The following ROBO4 variants were observed in gnomAD, a reference collection of about 807,000 sequenced individuals.
ROBO4 encodes the protein roundabout homolog 4.
A neutral mutation model predicts 103.3 loss-of-function variants in ROBO4; 80 were observed. The ratio of observed to expected loss-of-function variants is 0.77; its 90% CI spans 0.65 to 0.93. The LOEUF (loss-of-function observed/expected upper bound fraction) is 0.93, where lower values mean the gene tolerates loss of function less well. ROBO4 is among the 40% of genes least tolerant of loss of function. The probability of loss-of-function intolerance (pLI) is 0.00; values close to 1 mark genes in which losing one functional copy is unlikely to be tolerated. For missense variants in ROBO4, 1,333 were observed against 1,305.3 expected, an observed-to-expected ratio of 1.02 and a Z score of -0.33; for synonymous variants, 504 against 529.7, an observed-to-expected ratio of 0.95 and a Z score of 0.67.
chr11:124,887,473 A>G lies in ROBO4; in HGVS notation c.2083T>C (p.Trp695Arg). 9 of 1,613,886 alleles carry G rather than the reference A, an allele frequency of 5.6e-6. No individual in the cohort carries two copies. The South Asian group carries it at 9.9e-5, about 18-fold the overall frequency. Residue 695 changes from tryptophan (W) to arginine (R), a missense_variant, in exon 14 of 18, where the codon TGG (tryptophan) becomes CGG (arginine). Coordinates refer to ENST00000306534, the MANE Select transcript of ROBO4 (RefSeq NM_019055.6). ...PGAVPQALVA[W>R]RALGPKLLSS... ...AGGAGTTTCGGTCCCAGGGCCCGCC[A>G]GGCAACCAGAGCTTGGGGCACAGCT...
rs766789705 is a variant in ROBO4 at position 124,885,120 on chromosome 11, C to T, written c.2922G>A (p.Arg974=). The change falls in exon 17 of 18, where the codon AGG becomes AGA. Residue 974 remains arginine (R), a synonymous_variant. Coordinates refer to ENST00000306534, the MANE Select transcript of ROBO4 (RefSeq NM_019055.6). The part of the protein sequence containing the change: ...MEVSHTQRLG[R]GMPPWPPDSQ... ...AGTCAGGGGGCCAGGGAGGCATCCC[C>T]CTTCCCAGCCGCTGGGTGTGGCTGA... 17 of 1,614,034 alleles carry T rather than the reference C, an allele frequency of 1.1e-5. No individual in the cohort carries two copies. The African/African-American group carries it at 2.1e-4, about 20-fold the overall frequency.
At chr11:124,888,859 A>T (rs1311703201) in intron 12 of ROBO4, among the ~76,000 whole-genome samples, 1 of 152,250 alleles carries the variant, frequency 6.6e-6, no homozygotes, top group Non-Finnish European at 1.5e-5. Context: ...CAGGAGCAGG[A>T]ACCTGAAGAA....
In ROBO4 at chr11:124,885,092, G is replaced by T; in HGVS notation, c.2950C>A (p.Gln984Lys). The change falls in exon 17 of 18, where the codon CAG (glutamine) becomes AAG (lysine). Residue 984 changes from glutamine (Q) to lysine (K), a missense_variant. By Grantham distance (53) the Gln-to-Lys change is moderately conservative. Transcript: ENST00000306534. ...AGCTGACTTCTCTGGGAAGAGATCT[G>T]AGAGTCAGGGGGCCAGGGAGGCATC... The part of the protein sequence containing the change: ...RGMPPWPPDS[Q>K]ISSQRSQLHC... The T allele has an allele frequency of 3.1e-6, 5 of 1,614,174 alleles. No individual in the cohort carries two copies. The highest frequency in any genetic ancestry group is 4.2e-6 in the Non-Finnish European group (5 of 1,180,038).
chr11:124,896,059 G>A lies in ROBO4; in HGVS notation c.679+139C>T, dbSNP rs544906194. ...GAGCATTCCGATTTCTACTCTAGCA[G>A]GGGGGAACCTCCCGCTACGTGAGAC... On this transcript the variant is annotated intron_variant, in intron 4 of 17. Coordinates refer to ENST00000306534, the MANE Select transcript of ROBO4 (RefSeq NM_019055.6). 141 of 1,515,590 alleles carry A rather than the reference G, an allele frequency of 9.3e-5. 1 individual carries two copies. The South Asian group carries it at 1.6e-3, about 17-fold the overall frequency. The allele number at this position is 1,515,590 out of a possible 1,614,324, so 93.9% of individuals were successfully genotyped here. A position where few individuals can be genotyped will look rare whatever the true frequency, so the allele number is the denominator to read the frequency against.
chr11:124,888,918 C>T (rs769297527), intron 12 of ROBO4, among the ~76,000 whole-genome samples: 5 of 152,096 alleles, frequency 3.3e-5, no homozygotes, highest in Admixed American at 6.6e-5. Context: ...TGTCCCATGA[C>T]CAGAAGCCCA....
chr11:124,884,994 G>T, intron 17 of ROBO4, 47 bp downstream of exon 17: 1 of 1,613,426 alleles, frequency 6.2e-7, no homozygotes, highest in Admixed American at 1.7e-5. Context: ...CTTCCCAGAG[G>T]CCCTCTGGTC....
At position 124,896,666 on chromosome 11, in the gene ROBO4, G is replaced by C; in HGVS notation, c.405C>G (p.Leu135=). 8.7e-6 allele frequency: 14 copies of C among 1,613,924 alleles called. No homozygotes were observed. Among genetic ancestry groups the C allele is most frequent in the Non-Finnish European group, 1.2e-5 (14 of 1,179,906 alleles). The stretch of plus-strand genomic sequence containing the variant: ...GAGGCTGGATCTGGAAATCCTCCCG[G>C]AGGACTGTGGGGAGGATGGAAGGTG... ...SRGARLSVAV[L]REDFQIQPRD... Residue 135 remains leucine (L), a synonymous_variant, in exon 3 of 18, where the codon CTC becomes CTG. Coordinates refer to ENST00000306534, the MANE Select transcript of ROBO4 (RefSeq NM_019055.6).
intron 10 of ROBO4, 77 bp downstream of exon 10, chr11:124,893,611 A>T: frequency 2.3e-6 from 3 of 1,316,162 alleles, no homozygotes; most frequent in African/African-American, 1.5e-5. Flanking sequence ...GTAGACTAGT[A>T]CTCCATTCTT....
chr11:124,891,466 G>A lies in ROBO4; in HGVS notation c.1781C>T (p.Pro594Leu). The A allele has an allele frequency of 6.2e-7, 1 of 1,610,706 alleles. No individual in the cohort carries two copies. Among genetic ancestry groups the A allele is most frequent in the Non-Finnish European group, 8.5e-7 (1 of 1,177,968 alleles). ...SLIAELPSST[P>L]ARPSPQVPAV... Reference sequence around the variant, plus strand: ...TGGGACCTGGGGACTTGGCCTGGCTGGGGTACTGGAGGGCAGCTCAGCGAT... The same window carrying A: ...TGGGACCTGGGGACTTGGCCTGGCTAGGGTACTGGAGGGCAGCTCAGCGAT... The change falls in exon 12 of 18, where the codon CCA (proline) becomes CTA (leucine). Residue 594 changes from proline (P) to leucine (L), a missense_variant. Pro to Leu is a moderately conservative substitution (Grantham distance 98). Coordinates refer to ENST00000306534, the MANE Select transcript of ROBO4 (RefSeq NM_019055.6).
rs577623599 is a variant in ROBO4, at chr11:124,889,634, C to G, written c.1948+1665G>C. Among the ~76,000 whole-genome samples the G allele has an allele frequency of 1.1e-4, 16 of 152,228 alleles. No individual in the cohort carries two copies. The South Asian group carries it at 2.5e-3, about 24-fold the overall frequency. On this transcript the variant is annotated intron_variant, in intron 12 of 17. Transcript: ENST00000306534. ...CAAACTGAGCAGAACTAAGAACCTG[C>G]TATGATGGATGAGAGACAGGAGACT...
intron 2 of ROBO4, 71 bp from the exon 3 acceptor site, chr11:124,896,741 C>A: frequency 6.5e-7 from 1 of 1,547,216 alleles, no homozygotes; most frequent in East Asian, 2.4e-5. Flanking sequence ...ACTCTTGCCC[C>A]CTTCTGCTTT....
At chr11:124,895,342 C>T in intron 6 of ROBO4, 115 bp downstream of exon 6, 1 of 1,201,024 alleles carries the variant, frequency 8.3e-7, no homozygotes. Context: ...AGAAGGGAGT[C>T]CCAGGGTAGG....
intron 16 of ROBO4, among the ~76,000 whole-genome samples, chr11:124,885,580 G>GTTTTTT (rs5795436): frequency 2.1e-5 from 3 of 142,062 alleles, no homozygotes; most frequent in Non-Finnish European, 3.1e-5. Context: ...CCACAAGCCT[G>GTTTTTT]TTTTTTTTTT....
At chr11:124,893,647 G>A in intron 10 of ROBO4, 41 bp downstream of exon 10, 1 of 1,593,972 alleles carries the variant, frequency 6.3e-7, no homozygotes, top group Non-Finnish European at 8.6e-7. Context: ...ACTGTCCCTT[G>A]CCACCCTCCC....
At chr11:124,886,405 A>T in intron 16 of ROBO4, 59 bp downstream of exon 16, 2 of 1,291,322 alleles carry the variant, frequency 1.5e-6, no homozygotes, top group East Asian at 4.7e-5. Flanking sequence ...TGACATGATA[A>T]CAGTTGTTAG....
At position 124,893,939 on chromosome 11, in the gene ROBO4, A is replaced by G; in HGVS notation, c.1425T>C (p.Gly475=). 6.2e-7 allele frequency: 1 copy of G among 1,610,878 alleles called. No individual in the cohort carries two copies. The highest frequency in any genetic ancestry group is 8.5e-7 in the Non-Finnish European group (1 of 1,179,388). Residue 475 remains glycine (G), a synonymous_variant, in exon 9 of 18, where the codon GGT becomes GGC. Transcript: ENST00000306534. The stretch of plus-strand genomic sequence containing the variant: ...CCAGAAGCAGCAGCCAGAGTGCAAC[A>G]CCGCAGGTGGCAATGACCTCAGGCC... The part of the protein sequence containing the change: ...LKRPEVIATC[G]VALWLLLLGT...
In ROBO4 at chr11:124,887,139, C is replaced by G. The variant is rs762327456; in HGVS notation, c.2273G>C (p.Ser758Thr). Reference sequence around the variant, plus strand: ...GGAAGAGGCCTGGGGGCTAGGGGGACTGCAGGGGCTAAGGATGGGGATGGG... The same window carrying G: ...GGAAGAGGCCTGGGGGCTAGGGGGAGTGCAGGGGCTAAGGATGGGGATGGG... ...AAPIPILSPC[S>T]PPSPQASSLS... is the part of the protein sequence containing the mutation. The change falls in exon 15 of 18, where the codon AGT (serine) becomes ACT (threonine). Residue 758 changes from serine to threonine, a missense_variant. Ser to Thr is a moderately conservative substitution (Grantham distance 58). Coordinates refer to ENST00000306534, the MANE Select transcript of ROBO4 (RefSeq NM_019055.6). The G allele has an allele frequency of 6.2e-7, 1 of 1,612,454 alleles. No homozygotes were observed.
chr11:124,891,245 T>C, intron 12 of ROBO4, 54 bp downstream of exon 12: 1 of 1,496,236 alleles, frequency 6.7e-7, no homozygotes. Context: ...CACATTCCCA[T>C]TCCTGGGCCC....
chr11:124,895,003 A>G, intron 7 of ROBO4, 78 bp downstream of exon 7: 1 of 1,125,896 alleles, frequency 8.9e-7, no homozygotes, highest in Non-Finnish European at 1.3e-6. Flanking sequence ...CAGTGCCCAG[A>G]GCAAGGGTAT....
Sources: gnomAD v4.1 joint callset for allele counts (sites outside exome capture counted in the v4.1 genomes callset) on GRCh38, gnomAD v4.1.1 for gene constraint, MANE v1.5 for transcripts, NCBI Gene and HGNC (gene_info 2026-07-23, HGNC 2026-07-21) for gene names.